CEP350: variants seen among roughly 807,000 people sequenced by gnomAD.
CEP350 encodes centrosome-associated protein 350.
In CEP350, 126 loss-of-function variants were observed where a neutral mutation model predicts 331.8. The observed-to-expected ratio is 0.38, with a 90% confidence interval of 0.33 to 0.44. CEP350 has a LOEUF of 0.44. Ranked by LOEUF, CEP350 falls within the 20% of genes least tolerant of loss-of-function variation. The pLI is 1.00. For synonymous variants in CEP350, 1,200 were observed against 1,259.5 expected (o/e 0.95, Z 1.00); for missense variants, 3,406 against 3,634.6 (o/e 0.94, Z 1.62).
intron 1 of CEP350, among the ~76,000 whole-genome samples, chr1:179,977,881 T>C (rs1395525701): frequency 6.6e-6 from 1 of 151,674 alleles, no homozygotes; most frequent in Admixed American, 6.6e-5. Flanking sequence ...ATATCCTTAT[T>C]CTGTAAGCTT....
intron 9 of CEP350, among the ~76,000 whole-genome samples, chr1:180,013,380 T>C (rs990708177): frequency 6.6e-6 from 1 of 152,214 alleles, no homozygotes; most frequent in Non-Finnish European, 1.5e-5. Context: ...CAGTCTGGTC[T>C]TTGCAAAGCT....
chr1:180,033,824 T>G, intron 15 of CEP350, 38 bp from the exon 16 acceptor site: 1 of 1,588,982 alleles, frequency 6.3e-7, no homozygotes, highest in Non-Finnish European at 8.6e-7. Context: ...CAAAGTACTT[T>G]TCCTTCCTCT....
In CEP350 at chr1:180,020,932, C is replaced by T. The variant is rs1655284448; in HGVS notation, c.3158C>T (p.Pro1053Leu). ...GHIGGTQSKGPWEELAKGSPH... is the reference protein window; with the variant it reads ...GHIGGTQSKGLWEELAKGSPH... ...ATAGGTGGTACACAAAGCAAAGGACCATGGGAAGAATTGGCAAAGGGAAGT... is the reference window on the plus strand; with the variant it reads ...ATAGGTGGTACACAAAGCAAAGGACTATGGGAAGAATTGGCAAAGGGAAGT... Residue 1053 changes from proline to leucine, a missense_variant, in exon 12 of 38, where the codon CCA (proline) becomes CTA (leucine). Around this residue, in one of 5 missense-constraint regions of CEP350, gnomAD observed 1,857 missense variants for 1,909.2 expected, o/e 0.97. Coordinates refer to ENST00000367607, the MANE Select transcript of CEP350 (RefSeq NM_014810.5). 2 of 1,604,070 alleles carry T rather than the reference C, an allele frequency of 1.2e-6. No homozygotes were observed. Among genetic ancestry groups the T allele is most frequent in the South Asian group, 1.1e-5 (1 of 89,524 alleles).
Position 180,112,363 on chromosome 1 carries a change from G to T in CEP350, c.*1202G>T, listed in dbSNP as rs190325311. ...AGTGAAACGAAGATGGGCTTTTCCAGATCACCTGCAATAGCAGCAGTGGGA... is the reference window on the plus strand; with the variant it reads ...AGTGAAACGAAGATGGGCTTTTCCATATCACCTGCAATAGCAGCAGTGGGA... On this transcript the variant is annotated 3_prime_UTR_variant, in exon 38 of 38. Transcript: ENST00000367607. 12 of 152,680 alleles carry T rather than the reference G, an allele frequency of 7.9e-5. No individual in the cohort carries two copies. The highest frequency in any genetic ancestry group is 6.5e-4 in the Admixed American group (10 of 15,298). 9.5% of individuals were successfully genotyped at this position (152,680 alleles called of 1,614,324 possible).
intron 6 of CEP350, among the ~76,000 whole-genome samples, chr1:179,999,932 C>T (rs1653749552): frequency 6.6e-6 from 1 of 152,050 alleles, no homozygotes; most frequent in Non-Finnish European, 1.5e-5. Context: ...CTTTCTTGTA[C>T]TATATTTGGT....
chr1:180,046,318 A>T (rs1242717787), intron 21 of CEP350, among the ~76,000 whole-genome samples: 1 of 152,186 alleles, frequency 6.6e-6, no homozygotes, highest in Non-Finnish European at 1.5e-5. Flanking sequence ...GATTTTTTAT[A>T]TAAATGGCAT....
intron 16 of CEP350, among the ~76,000 whole-genome samples, chr1:180,034,610 C>T (rs1349023272): frequency 1.3e-5 from 2 of 151,962 alleles, no homozygotes; most frequent in African/African-American, 4.8e-5. Flanking sequence ...TCAGGCTTTC[C>T]ATTATTACTA....
At position 180,030,693 on chromosome 1, in the gene CEP350, A is replaced by G. The variant is rs570255357; in HGVS notation, c.3551-627A>G. On this transcript the variant is annotated intron_variant, in intron 14 of 37. Coordinates refer to ENST00000367607, the MANE Select transcript of CEP350 (RefSeq NM_014810.5). Reference sequence around the variant, plus strand: ...ATATATGAAGTGCATTTGAATTACAATGTCCTATATAAATGTTCAGGTTAC... The same window carrying G: ...ATATATGAAGTGCATTTGAATTACAGTGTCCTATATAAATGTTCAGGTTAC... Among the ~76,000 whole-genome samples, 34 of 152,194 alleles carry G rather than the reference A, an allele frequency of 2.2e-4. 1 individual carries two copies. In the East Asian group the frequency reaches 4.6e-3, roughly 21 times the overall value.
At chr1:180,099,114 C>T (rs990410588) in intron 37 of CEP350, 129 bp downstream of exon 37, 16 of 901,590 alleles carry the variant, frequency 1.8e-5, no homozygotes, top group Admixed American at 9.6e-5. Context: ...AAAGCCTTTA[C>T]TTGCTGCATT....
intron 21 of CEP350, among the ~76,000 whole-genome samples, chr1:180,044,666 G>A (rs1656999315): frequency 7.9e-6 from 1 of 126,890 alleles, no homozygotes; most frequent in Non-Finnish European, 1.6e-5. Flanking sequence ...ATCACACTCC[G>A]GGGACTGTTG....
intron 17 of CEP350, among the ~76,000 whole-genome samples, chr1:180,037,971 G>A (rs907141324): frequency 1.3e-5 from 2 of 152,070 alleles, no homozygotes; most frequent in Non-Finnish European, 2.9e-5. Context: ...GTTTTGACCA[G>A]TGTATATACC....
At chr1:180,027,333 T>C (rs1050752858) in intron 14 of CEP350, among the ~76,000 whole-genome samples, 4 of 152,208 alleles carry the variant, frequency 2.6e-5, no homozygotes, top group African/African-American at 9.7e-5. Flanking sequence ...ACCCACTAAA[T>C]AAACTCTAGA....
chr1:180,052,158 G>A (rs1657545429), intron 22 of CEP350: 7 of 451,630 alleles, frequency 1.5e-5, no homozygotes, highest in South Asian at 1.1e-4. Context: ...TGCAGAAGCA[G>A]TGATACAACT....
chr1:180,086,540 CATATAT>C (rs35457934), intron 31 of CEP350, among the ~76,000 whole-genome samples: 1,562 of 149,532 alleles, frequency 0.01, 14 homozygotes, highest in African/African-American at 0.03. Flanking sequence ...ATGAGATATG[CATATAT>C]ATATATATAT....
Position 180,015,846 on chromosome 1 carries a change from T to A in CEP350, c.2053-3T>A. The A allele has an allele frequency of 1.2e-6, 2 of 1,612,766 alleles. No homozygotes were observed. Among genetic ancestry groups the A allele is most frequent in the Non-Finnish European group, 1.7e-6 (2 of 1,179,258 alleles). On this transcript the variant is annotated splice_polypyrimidine_tract_variant and splice_region_variant and intron_variant, in intron 10 of 37. Coordinates refer to ENST00000367607, the MANE Select transcript of CEP350 (RefSeq NM_014810.5). ...ATATAAATTTGATGTCCTTTTCTCC[T>A]AGGCCAAACCAGGGTATCAGCCATC...
At chr1:180,057,972 C>G (rs1157531041) in intron 25 of CEP350, among the ~76,000 whole-genome samples, 1 of 152,190 alleles carries the variant, frequency 6.6e-6, no homozygotes, top group African/African-American at 2.4e-5. Context: ...AGTTTGAGAT[C>G]TCCTGAGTCT....
Position 180,020,894 on chromosome 1 carries a change from A to G in CEP350, c.3120A>G (p.Pro1040=). Residue 1040 remains proline (P), a synonymous_variant, in exon 12 of 38, where the codon CCA becomes CCG. Coordinates refer to ENST00000367607, the MANE Select transcript of CEP350 (RefSeq NM_014810.5). The stretch of plus-strand genomic sequence containing the variant: ...AGAAAGAAGCTGAAAAATTCTTGCC[A>G]CTTTTTGGGCACATAGGTGGTACAC... ...EFQKEAEKFL[P]LFGHIGGTQS... is the part of the protein sequence containing the mutation. 2.5e-6 allele frequency: 4 copies of G among 1,613,286 alleles called. No individual in the cohort carries two copies. The highest frequency in any genetic ancestry group is 2.2e-5 in the East Asian group (1 of 44,878).
At chr1:180,104,109 A>AT (rs1661009359) in intron 37 of CEP350, among the ~76,000 whole-genome samples, 1 of 149,170 alleles carries the variant, frequency 6.7e-6, no homozygotes, top group African/African-American at 2.4e-5. Flanking sequence ...TTTTTGTTAT[A>AT]TTTTATCTAA....
intron 12 of CEP350, among the ~76,000 whole-genome samples, chr1:180,021,836 G>A (rs1655344864): frequency 6.6e-6 from 1 of 152,114 alleles, no homozygotes; most frequent in South Asian, 2.1e-4. Context: ...CAATAATGTA[G>A]CTATATATTT....
Sources: gnomAD v4.1 joint callset for allele counts (sites outside exome capture counted in the v4.1 genomes callset) on GRCh38, gnomAD v4.1.1 for gene constraint, gnomAD v4.1.1 regional missense constraint, MANE v1.5 for transcripts, NCBI Gene and HGNC (gene_info 2026-07-23, HGNC 2026-07-21) for gene names.